Variants in PLAC8L1 observed in about 807,000 individuals in gnomAD.
The protein encoded by PLAC8L1 is PLAC8 like 1.
PLAC8L1 carries 13 observed loss-of-function variants against 16.3 expected under a neutral mutation model. The ratio of observed to expected loss-of-function variants is 0.80; its 90% CI spans 0.52 to 1.27. The LOEUF is 1.27. Among genes scored for constraint, PLAC8L1 ranks in the 50% most tolerant of loss-of-function variants. The pLI is 0.00. For synonymous variants in PLAC8L1, 78 were observed against 79.3 expected, an observed-to-expected ratio of 0.98 and a Z score of 0.09; for missense variants, 184 against 220.2, an observed-to-expected ratio of 0.84 and a Z score of 1.04.
At chr5:146,103,906 G>A in intron 1 of PLAC8L1, 2 of 985,398 alleles carry the variant, frequency 2.0e-6, no homozygotes, top group South Asian at 4.7e-5. Context: ...CAAAAGGGTG[G>A]AAATGATTGG....
At chr5:146,101,017 T>C (rs571676653) in intron 1 of PLAC8L1, among the ~76,000 whole-genome samples, 13 of 151,944 alleles carry the variant, frequency 8.6e-5, no homozygotes, top group African/African-American at 3.1e-4. Flanking sequence ...CTGAGCAACA[T>C]GGTGAAATCC....
chr5:146,091,734 C>T (rs937490656), intron 2 of PLAC8L1, among the ~76,000 whole-genome samples: 4 of 152,150 alleles, frequency 2.6e-5, no homozygotes, highest in East Asian at 1.9e-4. Context: ...CCTAGAAGTC[C>T]GCGGTTACAA....
chr5:146,104,382 G>A lies in PLAC8L1; in HGVS notation c.-71C>T, dbSNP rs768827866. 3.8e-5 allele frequency: 45 copies of A among 1,191,010 alleles called. No homozygotes were observed. Among genetic ancestry groups the A allele is most frequent in the South Asian group, 7.4e-5 (6 of 81,538 alleles). 73.8% of individuals were successfully genotyped at this position (1,191,010 alleles called of 1,614,324 possible). On this transcript the variant is annotated 5_prime_UTR_variant, in exon 1 of 4. The change creates a premature stop within an existing upstream ORF in the 5' untranslated region. Coordinates refer to ENST00000311450, the MANE Select transcript of PLAC8L1 (RefSeq NM_001029869.3). Reference sequence around the variant, plus strand: ...GGCAATAAGCTGGTTTCTAAACTTCGGATTAGTCCAAAGTGAAACATCTCT... The same window carrying A: ...GGCAATAAGCTGGTTTCTAAACTTCAGATTAGTCCAAAGTGAAACATCTCT...
At chr5:146,084,763 T>C (rs902722360) in intron 3 of PLAC8L1, among the ~76,000 whole-genome samples, 191 bp from the exon 4 acceptor site, 2 of 152,384 alleles carry the variant, frequency 1.3e-5, no homozygotes, top group South Asian at 4.1e-4. Flanking sequence ...ATGCCTGCGA[T>C]TCAGAGCGCT....
intron 2 of PLAC8L1, among the ~76,000 whole-genome samples, chr5:146,093,819 T>C (rs1580976508): frequency 6.6e-6 from 1 of 152,290 alleles, no homozygotes; most frequent in East Asian, 1.9e-4. Context: ...TTCTTCTTCC[T>C]ACCTTGGGTA....
intron 1 of PLAC8L1, 95 bp from the exon 2 acceptor site, chr5:146,098,387 C>T (rs1464998020): frequency 2.4e-6 from 3 of 1,245,956 alleles, no homozygotes; most frequent in South Asian, 3.5e-5. Flanking sequence ...GAGATAGGGA[C>T]CCAATGATGC....
intron 2 of PLAC8L1, among the ~76,000 whole-genome samples, chr5:146,097,466 A>G (rs13181074): frequency 0.22 from 33,887 of 152,238 alleles, 4,835 homozygotes; most frequent in Admixed American, 0.34. Flanking sequence ...ATCTGGAGAC[A>G]TCTGCTATAA....
chr5:146,090,742 T>C (rs1580974235), intron 2 of PLAC8L1, among the ~76,000 whole-genome samples: 1 of 151,990 alleles, frequency 6.6e-6, no homozygotes, highest in Non-Finnish European at 1.5e-5. Flanking sequence ...TTATTATCCA[T>C]GATAATGCCA....
At chr5:146,086,325 G>A (rs995590210) in intron 2 of PLAC8L1, among the ~76,000 whole-genome samples, 3 of 152,110 alleles carry the variant, frequency 2.0e-5, no homozygotes, top group East Asian at 1.9e-4. Context: ...CACCGCGCCC[G>A]GCCGAAAGGT....
intron 1 of PLAC8L1, among the ~76,000 whole-genome samples, chr5:146,101,870 G>T (rs1763823585): frequency 2.0e-5 from 3 of 152,148 alleles, no homozygotes; most frequent in Non-Finnish European, 4.4e-5. Flanking sequence ...TTAGTAGAGG[G>T]ATTTCTTAGG....
chr5:146,095,673 T>C (rs926953414), intron 2 of PLAC8L1, among the ~76,000 whole-genome samples: 10 of 152,154 alleles, frequency 6.6e-5, no homozygotes, highest in African/African-American at 2.4e-4. Context: ...CAATAGTAAA[T>C]TTAGGAAATT....
At position 146,098,148 on chromosome 5, in the gene PLAC8L1, A is replaced by G. The variant is rs753336674; in HGVS notation, c.256+8T>C. On this transcript the variant is annotated splice_region_variant and intron_variant, in intron 2 of 3. Transcript: ENST00000311450. ...AAGGAGGAACTTAAATAAGGAGGAA[A>G]AACTTACAAATTCTCCTATCTCTGC... The G allele has an allele frequency of 6.2e-7, 1 of 1,607,256 alleles. No homozygotes were observed. The highest frequency in any genetic ancestry group is 8.5e-7 in the Non-Finnish European group (1 of 1,175,214).
At chr5:146,093,442 T>C (rs928027587) in intron 2 of PLAC8L1, among the ~76,000 whole-genome samples, 3 of 152,192 alleles carry the variant, frequency 2.0e-5, no homozygotes, top group African/African-American at 7.2e-5. Context: ...GCTCAGAAAG[T>C]CGAGGCTGTC....
chr5:146,098,818 C>G (rs991891621), intron 1 of PLAC8L1, among the ~76,000 whole-genome samples: 9 of 152,186 alleles, frequency 5.9e-5, no homozygotes, highest in Non-Finnish European at 1.3e-4. Context: ...TGAGAAGGAA[C>G]TGGACTGAGT....
At chr5:146,095,632 A>AT (rs781543719) in intron 2 of PLAC8L1, among the ~76,000 whole-genome samples, 51 of 152,282 alleles carry the variant, frequency 3.3e-4, no homozygotes, top group Admixed American at 1.2e-3. Flanking sequence ...TTGTAATGAT[A>AT]TTTTTTTGAA....
At chr5:146,085,352 T>A in intron 3 of PLAC8L1, 109 bp downstream of exon 3, 2 of 1,225,896 alleles carry the variant, frequency 1.6e-6, no homozygotes, top group Non-Finnish European at 2.2e-6. Flanking sequence ...AAGCATGGTA[T>A]GTTTCAACAT....
intron 1 of PLAC8L1, among the ~76,000 whole-genome samples, chr5:146,101,305 A>G (rs1019795079): frequency 1.3e-5 from 2 of 152,060 alleles, no homozygotes; most frequent in Non-Finnish European, 2.9e-5. Context: ...ACCAGGAAGA[A>G]AGTCCTCGCC....
At chr5:146,100,321 C>T (rs111306041) in intron 1 of PLAC8L1, among the ~76,000 whole-genome samples, 3 of 152,198 alleles carry the variant, frequency 2.0e-5, no homozygotes, top group Non-Finnish European at 4.4e-5. Context: ...AGCGACCTGT[C>T]TGGAAGTATG....
At position 146,103,711 on chromosome 5, in the gene PLAC8L1, A is replaced by T. The variant is rs188447758; in HGVS notation, c.119+482T>A. The stretch of plus-strand genomic sequence containing the variant: ...TTTTCCCTCTTTTTGACCTCACTCC[A>T]TTCCTCTTCCTCTTCTAGCACAAGC... On this transcript the variant is annotated intron_variant, in intron 1 of 3. Transcript: ENST00000311450. 3.0e-4 allele frequency: 299 copies of T among 985,314 alleles called. 3 individuals carry two copies. Among genetic ancestry groups the T allele is most frequent in the Non-Finnish European group, 9.2e-5 (76 of 829,908 alleles). The allele number at this position is 985,314 out of a possible 1,614,324, so 61.0% of individuals were successfully genotyped here.
Sources: gnomAD v4.1 joint callset for allele counts (sites outside exome capture counted in the v4.1 genomes callset) on GRCh38, gnomAD v4.1.1 for gene constraint, MANE v1.5 for transcripts, NCBI Gene and HGNC (gene_info 2026-07-23, HGNC 2026-07-21) for gene names.